The following FUT8 variants were observed in gnomAD, a reference collection of about 807,000 sequenced individuals.
FUT8 encodes fucosyltransferase 8.
A neutral mutation model predicts 71.3 loss-of-function variants in FUT8; 29 were observed. The observed-to-expected ratio is 0.41, with a 90% CI of 0.30 to 0.55. The LOEUF is 0.55. Among genes scored for constraint, FUT8 ranks in the 20% least tolerant of loss-of-function variants. FUT8 has a pLI of 0.34. For missense variants in FUT8, 544 were observed against 702.1 expected, an observed-to-expected ratio of 0.77 and a Z score of 2.55; for synonymous variants, 254 against 239.3, an observed-to-expected ratio of 1.06 and a Z score of -0.57.
chr14:65,672,008 G>C (rs369467447), intron 7 of FUT8, among the ~76,000 whole-genome samples: 6 of 152,298 alleles, frequency 3.9e-5, no homozygotes. Flanking sequence ...TGTCCTTGCA[G>C]ATGGAATTTA....
intron 1 of FUT8, among the ~76,000 whole-genome samples, chr14:65,452,476 G>A (rs1420436998): frequency 6.6e-6 from 1 of 152,204 alleles, no homozygotes; most frequent in African/African-American, 2.4e-5. Flanking sequence ...ATGGAACAAA[G>A]CAGTGGAACC....
intron 9 of FUT8, among the ~76,000 whole-genome samples, chr14:65,728,612 G>A (rs751614372): frequency 1.2e-4 from 19 of 152,140 alleles, no homozygotes; most frequent in East Asian, 1.9e-4. Flanking sequence ...TTCAGTCAGC[G>A]ATGAAACACC....
chr14:65,732,335 T>G (rs74397880), intron 9 of FUT8, among the ~76,000 whole-genome samples: 2,680 of 152,312 alleles, frequency 0.018, 78 homozygotes, highest in African/African-American at 0.061. Context: ...GACTTGTTCA[T>G]GTATTTATTC....
chr14:65,656,245 TA>T (rs980652812), intron 6 of FUT8, among the ~76,000 whole-genome samples: 26 of 152,204 alleles, frequency 1.7e-4, no homozygotes, highest in South Asian at 4.1e-4. Flanking sequence ...CTAGAACTGA[TA>T]AATTCAGTGA....
chr14:65,459,560 C>T (rs916222585), intron 2 of FUT8, among the ~76,000 whole-genome samples: 6 of 152,046 alleles, frequency 3.9e-5, no homozygotes, highest in African/African-American at 4.8e-5. Flanking sequence ...AACTTAATCC[C>T]ACCCATTAGG....
chr14:65,629,718 C>T, intron 6 of FUT8, 112 bp downstream of exon 6: 1 of 698,596 alleles, frequency 1.4e-6, no homozygotes, highest in South Asian at 1.7e-5. Context: ...AAAATCAGTA[C>T]TCACACATTT....
intron 3 of FUT8, among the ~76,000 whole-genome samples, chr14:65,576,696 CTTTT>C (rs376473739): frequency 9.4e-5 from 9 of 96,182 alleles, no homozygotes; most frequent in African/African-American, 1.3e-4. Flanking sequence ...GCCCAGCTTG[CTTTT>C]TTTTTTTTTT....
chr14:65,619,049 G>A (rs565397388), intron 5 of FUT8, among the ~76,000 whole-genome samples: 3 of 152,196 alleles, frequency 2.0e-5, no homozygotes, highest in East Asian at 3.9e-4. Context: ...GAGAGGTCTG[G>A]GCTAATTCTG....
upstream of FUT8, among the ~76,000 whole-genome samples, chr14:65,408,813 G>C (rs183739732): frequency 2.8e-4 from 42 of 152,262 alleles, no homozygotes; most frequent in Non-Finnish European, 3.7e-4. Flanking sequence ...GTTTGTTTAA[G>C]GAGCTGGCTC....
chr14:65,729,265 G>T (rs534856187), intron 9 of FUT8, among the ~76,000 whole-genome samples: 64 of 151,544 alleles, frequency 4.2e-4, no homozygotes, highest in Middle Eastern at 3.5e-3. Context: ...CAGTCCTCCT[G>T]CCTTGTCCTC....
chr14:65,378,817 T>TA, the FUT8 span, among the ~76,000 whole-genome samples: 6 of 130,982 alleles, frequency 4.6e-5, no homozygotes, highest in Non-Finnish European at 8.2e-5. Flanking sequence ...GTAATACTTC[T>TA]AAAAAAATTT....
intron 7 of FUT8, among the ~76,000 whole-genome samples, chr14:65,678,925 G>A (rs927812252): frequency 6.6e-6 from 1 of 152,138 alleles, no homozygotes; most frequent in African/African-American, 2.4e-5. Context: ...GATTATGTAA[G>A]CAACCAAAAA....
intron 7 of FUT8, among the ~76,000 whole-genome samples, chr14:65,711,957 A>T (rs1894827712): frequency 6.6e-6 from 1 of 152,162 alleles, no homozygotes; most frequent in African/African-American, 2.4e-5. Context: ...ACAGGAAAAC[A>T]ATTTGAAGAC....
At chr14:65,520,191 A>G (rs1232380156) in intron 2 of FUT8, among the ~76,000 whole-genome samples, 1 of 152,132 alleles carries the variant, frequency 6.6e-6, no homozygotes, top group Non-Finnish European at 1.5e-5. Flanking sequence ...AATAATTTTA[A>G]TTTTGTTTTG....
At chr14:65,465,602 C>G (rs543523947) in intron 2 of FUT8, among the ~76,000 whole-genome samples, 7 of 152,228 alleles carry the variant, frequency 4.6e-5, no homozygotes, top group African/African-American at 1.4e-4. Flanking sequence ...TTGAGATTTT[C>G]CAGCTATGTT....
At chr14:65,539,678 A>G (rs1043625427) in intron 2 of FUT8, among the ~76,000 whole-genome samples, 5 of 152,248 alleles carry the variant, frequency 3.3e-5, no homozygotes, top group African/African-American at 9.6e-5. Context: ...AAACCTGGGT[A>G]AAAATAACAT....
chr14:65,548,522 A>C (rs1177533401), intron 2 of FUT8, among the ~76,000 whole-genome samples: 1 of 151,862 alleles, frequency 6.6e-6, no homozygotes, highest in Non-Finnish European at 1.5e-5. Flanking sequence ...GTCTGTTATG[A>C]ATAAAGCTGC....
intron 9 of FUT8, among the ~76,000 whole-genome samples, chr14:65,731,174 T>C (rs1445880266): frequency 2.0e-5 from 3 of 152,296 alleles, no homozygotes; most frequent in Admixed American, 2.0e-4. Flanking sequence ...GCTCCTTATC[T>C]CAGGGAGTAA....
the FUT8 span, among the ~76,000 whole-genome samples, chr14:65,394,396 A>C: frequency 1.3e-5 from 2 of 152,248 alleles, no homozygotes; most frequent in African/African-American, 4.8e-5. Context: ...TATGGGAGCT[A>C]CAATTCAAGA....
Sources: gnomAD v4.1 joint callset for allele counts (sites outside exome capture counted in the v4.1 genomes callset) on GRCh38, gnomAD v4.1.1 for gene constraint, MANE v1.5 for transcripts, NCBI Gene and HGNC (gene_info 2026-07-23, HGNC 2026-07-21) for gene names.